The following PARD3B variants were observed in gnomAD, a reference collection of about 807,000 sequenced individuals.
PARD3B encodes partitioning defective 3 homolog B.
A neutral mutation model predicts 130.2 loss-of-function variants in PARD3B; 103 were observed. The ratio of observed to expected loss-of-function variants is 0.79; its 90% CI spans 0.67 to 0.93. The LOEUF (loss-of-function observed/expected upper bound fraction) is 0.93. Ranked by LOEUF, PARD3B falls within the 40% of genes least tolerant of loss-of-function variation. PARD3B has a pLI of 0.00. For missense variants in PARD3B, 1,609 were observed against 1,499.2 expected, an observed-to-expected ratio of 1.07 and a Z score of -1.21; for synonymous variants, 583 against 553.2, an observed-to-expected ratio of 1.05 and a Z score of -0.76.
chr2:205,226,999 T>C (rs908414869), intron 15 of PARD3B, among the ~76,000 whole-genome samples: 1 of 152,206 alleles, frequency 6.6e-6, no homozygotes, highest in Admixed American at 6.5e-5. Context: ...TTTATGTCTT[T>C]ACTGATGTAT....
chr2:204,780,035 T>C (rs1003474499), intron 2 of PARD3B, among the ~76,000 whole-genome samples: 3 of 152,178 alleles, frequency 2.0e-5, no homozygotes, highest in African/African-American at 7.2e-5. Flanking sequence ...AAGCAGAGAA[T>C]TCCTAATTTC....
At chr2:204,656,479 T>G (rs756496566) in intron 1 of PARD3B, among the ~76,000 whole-genome samples, 1 of 152,190 alleles carries the variant, frequency 6.6e-6, no homozygotes, top group South Asian at 2.1e-4. Flanking sequence ...CTTCACTGTT[T>G]ACAGTCTTAA....
intron 1 of PARD3B, among the ~76,000 whole-genome samples, chr2:204,560,963 G>C (rs148013003): frequency 1.6e-3 from 240 of 152,224 alleles, no homozygotes; most frequent in Non-Finnish European, 3.1e-3. Flanking sequence ...GAGAAGTGTA[G>C]GTGGAACTGG....
chr2:204,565,755 C>T (rs2031635970), intron 1 of PARD3B, among the ~76,000 whole-genome samples: 1 of 152,082 alleles, frequency 6.6e-6, no homozygotes, highest in South Asian at 2.1e-4. Flanking sequence ...AGTTCATCTG[C>T]CAGTCATTCC....
chr2:205,368,459 C>G (rs13398527), intron 18 of PARD3B, among the ~76,000 whole-genome samples: 7,311 of 152,088 alleles, frequency 0.048, 573 homozygotes, highest in African/African-American at 0.17. Context: ...ATGGTGAAAC[C>G]TCATCTCTAC....
intron 4 of PARD3B, among the ~76,000 whole-genome samples, chr2:205,065,288 A>G (rs566920611): frequency 6.6e-6 from 1 of 152,346 alleles, no homozygotes; most frequent in East Asian, 1.9e-4. Flanking sequence ...GTGAAAAACA[A>G]CTGTAGAATT....
chr2:204,949,853 T>A (rs889229690), intron 2 of PARD3B, among the ~76,000 whole-genome samples: 4 of 152,196 alleles, frequency 2.6e-5, no homozygotes, highest in African/African-American at 9.7e-5. Flanking sequence ...GCTTGGTCTC[T>A]TAAAGTTGAC....
rs1350575831 is a variant in PARD3B, at chr2:204,883,432, AAAAT to A, written c.223-81718_223-81715del. 1.1e-4 allele frequency among the ~76,000 whole-genome samples: 12 copies of A among 107,930 alleles called. No homozygotes were observed. The East Asian group carries it at 1.5e-3, about 13-fold the overall frequency. The allele number at this position is 107,930 out of a possible 152,430, so 70.8% of individuals were successfully genotyped here. On this transcript the variant is annotated intron_variant, in intron 2 of 22. Coordinates refer to ENST00000406610, the MANE Select transcript of PARD3B (RefSeq NM_001302769.2). The stretch of plus-strand genomic sequence containing the variant: ...ATATATATATAATATATATATATAT[AAAAT>A]ATATATATATATATATATATTTTTT...
At position 205,254,873 on chromosome 2, in the gene PARD3B, T is replaced by C. The variant is rs2040009649; in HGVS notation, c.2185+9051T>C. ...TAGAGACGGGGTTTCACCATGTTGG[T>C]CAGGATGGTCTCGATCTCCTGACCT... On this transcript the variant is annotated intron_variant, in intron 16 of 22. Transcript: ENST00000406610. Among the ~76,000 whole-genome samples, 5 of 151,228 alleles carry C rather than the reference T, an allele frequency of 3.3e-5. No homozygotes were observed. The South Asian group carries it at 8.4e-4, about 25-fold the overall frequency.
At chr2:205,004,213 C>T (rs920679874) in intron 3 of PARD3B, among the ~76,000 whole-genome samples, 1 of 152,118 alleles carries the variant, frequency 6.6e-6, no homozygotes, top group African/African-American at 2.4e-5. Context: ...TTGTTCTTGT[C>T]TCATAGAGGA....
At chr2:205,191,886 C>T (rs2036418983) in intron 14 of PARD3B, among the ~76,000 whole-genome samples, 2 of 152,016 alleles carry the variant, frequency 1.3e-5, no homozygotes, top group Admixed American at 1.3e-4. Context: ...TGAGGTCTAC[C>T]TTTGTCACCC....
At chr2:204,834,914 T>A (rs2043973279) in intron 2 of PARD3B, among the ~76,000 whole-genome samples, 1 of 152,252 alleles carries the variant, frequency 6.6e-6, no homozygotes, top group African/African-American at 2.4e-5. Context: ...AATAGTGTGA[T>A]GTGGTTGAAA....
At chr2:204,631,248 C>CTTTT (rs57424347) in intron 1 of PARD3B, among the ~76,000 whole-genome samples, 2 of 137,222 alleles carry the variant, frequency 1.5e-5, no homozygotes, top group Non-Finnish European at 1.6e-5. Flanking sequence ...TTCTTTCTTT[C>CTTTT]TTTTTTTTTT....
chr2:204,665,412 T>C (rs2035980266), intron 1 of PARD3B, among the ~76,000 whole-genome samples: 1 of 152,140 alleles, frequency 6.6e-6, no homozygotes, highest in Non-Finnish European at 1.5e-5. Flanking sequence ...AGGGCTGTGG[T>C]CCCACTCCCA....
rs1235159446 is a variant in PARD3B, at chr2:205,591,329, A to C, written c.3261-24127A>C. The stretch of plus-strand genomic sequence containing the variant: ...TCTGGAGGAAGCAGATTTTTGGAGG[A>C]GAAATAAGCCTCTAAACATATTTGA... On this transcript the variant is annotated intron_variant, in intron 22 of 22. Coordinates refer to ENST00000406610, the MANE Select transcript of PARD3B (RefSeq NM_001302769.2). The surrounding 1 kb of genome is among the most constrained non-coding windows in gnomAD (Gnocchi z 4.2). 6.6e-6 allele frequency among the ~76,000 whole-genome samples: 1 copy of C among 152,210 alleles called. No individual in the cohort carries two copies.
intron 4 of PARD3B, among the ~76,000 whole-genome samples, chr2:205,057,625 G>A (rs573221398): frequency 2.3e-5 from 3 of 130,224 alleles, no homozygotes; most frequent in South Asian, 2.5e-4. Flanking sequence ...ATGTGTATAC[G>A]TATATATATA....
At position 204,987,706 on chromosome 2, in the gene PARD3B, A is replaced by G. The variant is rs1016668176; in HGVS notation, c.394+22383A>G. On this transcript the variant is annotated intron_variant, in intron 3 of 22. Transcript: ENST00000406610. ...TCAGAATTTTTTTTTTCAGTGTTCC[A>G]AGACTAAGGACTTTTCATTGTCTTT... Among the ~76,000 whole-genome samples the G allele has an allele frequency of 2.7e-4, 41 of 152,190 alleles. 1 individual carries two copies. The highest frequency in any genetic ancestry group is 9.9e-4 in the African/African-American group (41 of 41,444).
intron 2 of PARD3B, among the ~76,000 whole-genome samples, chr2:204,883,427 TATATAAAATATATATATATATATATATA>T (rs1355619778): frequency 7.0e-5 from 8 of 114,554 alleles, no homozygotes; most frequent in African/African-American, 2.9e-4. Context: ...AATATATATA[TATATAAAATATATATATATATATATATA>T]TTTTTTTTTT....
intron 14 of PARD3B, among the ~76,000 whole-genome samples, chr2:205,186,803 G>A (rs1574325951): frequency 6.6e-6 from 1 of 152,122 alleles, no homozygotes; most frequent in African/African-American, 2.4e-5. Context: ...TGTCTCTAGG[G>A]GTTTCATAAA....
Sources: gnomAD v4.1 joint callset for allele counts (sites outside exome capture counted in the v4.1 genomes callset) on GRCh38, gnomAD v4.1.1 for gene constraint, Gnocchi (gnomAD v3.1) non-coding constraint, MANE v1.5 for transcripts, NCBI Gene and HGNC (gene_info 2026-07-23, HGNC 2026-07-21) for gene names.